Variants in FBLN1 observed in about 807,000 individuals in gnomAD.
The protein encoded by FBLN1 is fibulin-1.
FBLN1 carries 34 observed loss-of-function variants against 89.7 expected under a neutral mutation model. That is an observed-to-expected ratio of 0.38 (90% confidence interval 0.29 to 0.50). The LOEUF is 0.50. FBLN1 is among the 20% of genes least tolerant of loss of function. FBLN1 has a pLI of 0.92. For missense variants in FBLN1, 777 were observed against 988.1 expected (o/e 0.79, Z 2.86); for synonymous variants, 393 against 391.3 (o/e 1.00, Z -0.05).
chr22:45,569,574 G>C (rs1349308695), intron 14 of FBLN1, among the ~76,000 whole-genome samples: 1 of 152,094 alleles, frequency 6.6e-6, no homozygotes, highest in Non-Finnish European at 1.5e-5. Flanking sequence ...AGGAGGCGGA[G>C]GTTGCAGTGA....
At position 45,543,403 on chromosome 22, in the gene FBLN1, G is replaced by A; in HGVS notation, c.1198G>A (p.Val400Ile). The change falls in exon 11 of 17, where the codon GTC (valine) becomes ATC (isoleucine). Residue 400 changes from valine to isoleucine, a missense_variant and splice_region_variant. Transcript: ENST00000327858. ...FDGISRMCVD[V>I]NECQRYPGRL... ...GTCAGCCCACCCCTCACTTTCAGAT[G>A]TCAACGAGTGCCAGCGCTACCCCGG... is the stretch of plus-strand genomic sequence containing the variant. 6.2e-7 allele frequency: 1 copy of A among 1,612,426 alleles called. No homozygotes were observed. The highest frequency in any genetic ancestry group is 8.5e-7 in the Non-Finnish European group (1 of 1,179,992).
At chr22:45,554,338 T>G (rs529310406) in intron 14 of FBLN1, among the ~76,000 whole-genome samples, 1 of 152,278 alleles carries the variant, frequency 6.6e-6, no homozygotes, top group South Asian at 2.1e-4. Flanking sequence ...AGCTCTCAGA[T>G]CGCCTGGAGC....
rs192241686 is a variant in FBLN1 at position 45,533,305 on chromosome 22, G to T, written c.646+141G>T. 2.8e-4 allele frequency: 220 copies of T among 784,298 alleles called. 1 individual carries two copies. Among genetic ancestry groups the T allele is most frequent in the Non-Finnish European group, 3.9e-4 (180 of 457,040 alleles). The allele number at this position is 784,298 out of a possible 1,614,324, so 48.6% of individuals were successfully genotyped here. A position where few individuals can be genotyped will look rare whatever the true frequency, so the allele number is the denominator to read the frequency against. Reference sequence around the variant, plus strand: ...AGAGCAGCCCAGGACGCGCTTTCTCGTGTTCGCTGGAGTTTGCAGCGCAGA... The same window carrying T: ...AGAGCAGCCCAGGACGCGCTTTCTCTTGTTCGCTGGAGTTTGCAGCGCAGA... On this transcript the variant is annotated intron_variant, in intron 6 of 16. Transcript: ENST00000327858.
chr22:45,585,509 C>T (rs1196782714), intron 16 of FBLN1, among the ~76,000 whole-genome samples: 1 of 152,246 alleles, frequency 6.6e-6, no homozygotes, highest in African/African-American at 2.4e-5. Context: ...CGCGGCCGTC[C>T]CTGCCCAACG....
In FBLN1 at chr22:45,580,847, C is replaced by T. The variant is rs181140485; in HGVS notation, c.1972+3739C>T. Among the ~76,000 whole-genome samples, 1 of 152,362 alleles carries T rather than the reference C, an allele frequency of 6.6e-6. No homozygotes were observed. Among genetic ancestry groups the T allele is most frequent in the Admixed American group, 6.5e-5 (1 of 15,310 alleles). On this transcript the variant is annotated intron_variant, in intron 16 of 16. Transcript: ENST00000327858. This position sits in a 1 kb window ranked among gnomAD's most constrained non-coding sequence, Gnocchi z 8.6. Reference sequence around the variant, plus strand: ...GAACCTGCAAGGGCCGGGTCGTCCTCTAATGTAGCCTTGAAAGACCCGTTC... The same window carrying T: ...GAACCTGCAAGGGCCGGGTCGTCCTTTAATGTAGCCTTGAAAGACCCGTTC...
chr22:45,566,217 A>G (rs2088900587), intron 14 of FBLN1, among the ~76,000 whole-genome samples: 6 of 152,118 alleles, frequency 3.9e-5, no homozygotes, highest in Admixed American at 3.9e-4. Flanking sequence ...GAGGTGGGGG[A>G]AACCTCTCAG....
chr22:45,594,490 C>T (rs1208656591), intron 16 of FBLN1, among the ~76,000 whole-genome samples: 1 of 152,198 alleles, frequency 6.6e-6, no homozygotes, highest in Non-Finnish European at 1.5e-5. Flanking sequence ...TTCCTCAAAA[C>T]CCAATTTAAA....
chr22:45,547,185 G>T lies in FBLN1; in HGVS notation c.1422G>T (p.Val474=). ...GGCGAGGCTACCAGCTCAGCGATGTGGATGGAGTCACCTGTGAAGGTGCGG... is the reference window on the plus strand; with the variant it reads ...GGCGAGGCTACCAGCTCAGCGATGTTGATGGAGTCACCTGTGAAGGTGCGG... ...YCRRGYQLSD[V]DGVTCEDIDE... is the part of the protein sequence containing the mutation. The change falls in exon 12 of 17, where the codon GTG becomes GTT. Residue 474 remains valine, a synonymous_variant. Coordinates refer to ENST00000327858, the MANE Select transcript of FBLN1 (RefSeq NM_006486.3). 6.2e-7 allele frequency: 1 copy of T among 1,614,048 alleles called. No homozygotes were observed. The highest frequency in any genetic ancestry group is 2.2e-5 in the East Asian group (1 of 44,874).
chr22:45,579,466 C>T lies in FBLN1; in HGVS notation c.1972+2358C>T, dbSNP rs1320804889. ...GCCACAAGGACCCAGCGGCTTCCCC[C>T]GGCACAGTTGGTCACGGGTGCCCTG... On this transcript the variant is annotated intron_variant, in intron 16 of 16. Coordinates refer to ENST00000327858, the MANE Select transcript of FBLN1 (RefSeq NM_006486.3). This position sits in a 1 kb window ranked among gnomAD's most constrained non-coding sequence, Gnocchi z 5.5. Among the ~76,000 whole-genome samples, 4 of 152,378 alleles carry T rather than the reference C, an allele frequency of 2.6e-5. No individual in the cohort carries two copies. Among genetic ancestry groups the T allele is most frequent in the East Asian group, 3.9e-4 (2 of 5,188 alleles).
intron 2 of FBLN1, 103 bp downstream of exon 2, chr22:45,518,890 C>A (rs1269442524): frequency 3.8e-6 from 4 of 1,063,272 alleles, no homozygotes; most frequent in Non-Finnish European, 2.8e-6. Flanking sequence ...AGAGGCTGGA[C>A]ACCCAGGCCC....
intron 1 of FBLN1, among the ~76,000 whole-genome samples, chr22:45,509,906 C>T (rs1417371724): frequency 6.6e-6 from 1 of 152,084 alleles, no homozygotes; most frequent in Non-Finnish European, 1.5e-5. Flanking sequence ...GGGGCATGAT[C>T]CTTTTGTGTG....
chr22:45,523,233 T>C, intron 2 of FBLN1: 1 of 752,786 alleles, frequency 1.3e-6, no homozygotes. Context: ...CCAGGGTGGC[T>C]GGAGTGGAGC....
chr22:45,529,196 G>A (rs973517079), intron 4 of FBLN1, among the ~76,000 whole-genome samples: 4 of 152,242 alleles, frequency 2.6e-5, no homozygotes, highest in African/African-American at 9.6e-5. Flanking sequence ...CCTGGCCAGT[G>A]CCCTCTCCAT....
At chr22:45,566,715 C>A (rs532783942) in intron 14 of FBLN1, among the ~76,000 whole-genome samples, 25 of 152,176 alleles carry the variant, frequency 1.6e-4, no homozygotes, top group African/African-American at 5.8e-4. Context: ...ACTGGGTGTT[C>A]GTGTGGCTTT....
At chr22:45,521,824 A>G (rs1164378092) in intron 2 of FBLN1, among the ~76,000 whole-genome samples, 1 of 152,092 alleles carries the variant, frequency 6.6e-6, no homozygotes, top group Non-Finnish European at 1.5e-5. Flanking sequence ...GGGATTTTCT[A>G]ATGAGTTTTG....
At chr22:45,560,335 G>A (rs1417995439) in intron 14 of FBLN1, among the ~76,000 whole-genome samples, 1 of 152,196 alleles carries the variant, frequency 6.6e-6, no homozygotes, top group Non-Finnish European at 1.5e-5. Flanking sequence ...TGCAGGTGCT[G>A]CCCTCACAAA....
Position 45,600,828 on chromosome 22 carries a change from G to T in FBLN1, c.*382G>T. ...CTGATTGTATGAAATTTGACATTTTGGCACTTTTTTTTTTTTTTTGGCCAA... is the reference window on the plus strand; with the variant it reads ...CTGATTGTATGAAATTTGACATTTTTGCACTTTTTTTTTTTTTTTGGCCAA... On this transcript the variant is annotated 3_prime_UTR_variant, in exon 17 of 17. Coordinates refer to ENST00000327858, the MANE Select transcript of FBLN1 (RefSeq NM_006486.3). 1 of 299,464 alleles carries T rather than the reference G, an allele frequency of 3.3e-6. No individual in the cohort carries two copies. The highest frequency in any genetic ancestry group is 3.4e-5 in the South Asian group (1 of 29,748). 18.6% of individuals were successfully genotyped at this position (299,464 alleles called of 1,614,324 possible).
At chr22:45,529,535 CCT>C (rs1473497146) in intron 4 of FBLN1, among the ~76,000 whole-genome samples, 1 of 152,122 alleles carries the variant, frequency 6.6e-6, no homozygotes, top group Admixed American at 6.5e-5. Flanking sequence ...CCTGTTCCCT[CCT>C]CTCTCTGAGC....
chr22:45,550,750 T>A lies in FBLN1; in HGVS notation c.1697+135T>A. On this transcript the variant is annotated intron_variant, in intron 14 of 16. Transcript: ENST00000327858. The surrounding 1 kb of genome is among the most constrained non-coding windows in gnomAD (Gnocchi z 8.4). ...GGACTCAGGGCACTCAAAGATCACC[T>A]GATCCCTGGCCCTCAAGCCCCTAAA... The A allele has an allele frequency of 7.7e-7, 1 of 1,295,360 alleles. No homozygotes were observed. The highest frequency in any genetic ancestry group is 2.3e-5 in the East Asian group (1 of 43,260). The allele number at this position is 1,295,360 out of a possible 1,614,324, so 80.2% of individuals were successfully genotyped here.
Sources: allele counts gnomAD v4.1 joint callset (sites outside exome capture counted in the v4.1 genomes callset), GRCh38; gene constraint gnomAD v4.1.1; non-coding constraint Gnocchi (gnomAD v3.1); transcripts MANE v1.5; gene names NCBI Gene and HGNC (gene_info 2026-07-23, HGNC 2026-07-21).